The following SPAG16 variants were observed in gnomAD, a reference collection of about 807,000 sequenced individuals.
The protein encoded by SPAG16 is sperm-associated antigen 16 protein.
A neutral mutation model predicts 80.4 loss-of-function variants in SPAG16; 86 were observed. The observed-to-expected ratio is 1.07, with a 90% CI of 0.90 to 1.28. The LOEUF (loss-of-function observed/expected upper bound fraction) is 1.28. Ranked by LOEUF, SPAG16 falls within the 50% of genes most tolerant of loss-of-function variation. The pLI, the probability that SPAG16 is intolerant of heterozygous loss-of-function variation, is 0.00. For missense variants in SPAG16, 870 were observed against 765.3 expected, an observed-to-expected ratio of 1.14 and a Z score of -1.61; for synonymous variants, 294 against 265.9, an observed-to-expected ratio of 1.11 and a Z score of -1.03.
At position 214,014,076 on chromosome 2, in the gene SPAG16, C is replaced by G. The variant is rs1163887799; in HGVS notation, c.1526C>G (p.Thr509Arg). ...DKTLSIWDARTGICEQSLYGH... is the reference protein window; with the variant it reads ...DKTLSIWDARRGICEQSLYGH... ...ACCCTGTCTATATGGGATGCAAGAA[C>G]AGTAAGCAAATCATTCACTTTTTTT... The change falls in exon 13 of 16, where the codon ACA (threonine) becomes AGA (arginine). Residue 509 changes from threonine (T) to arginine (R), a missense_variant and splice_region_variant. Thr to Arg is a moderately conservative substitution (Grantham distance 71, BLOSUM62 -1). Transcript: ENST00000331683. The G allele has an allele frequency of 3.7e-6, 6 of 1,611,932 alleles. No homozygotes were observed. Among genetic ancestry groups the G allele is most frequent in the African/African-American group, 1.3e-5 (1 of 74,866 alleles).
At chr2:214,008,730 G>GAAAAAAAAAAA in intron 12 of SPAG16, among the ~76,000 whole-genome samples, 1 of 146,578 alleles carries the variant, frequency 6.8e-6, no homozygotes, top group Non-Finnish European at 1.5e-5. Flanking sequence ...GGGCAACAGA[G>GAAAAAAAAAAA]CAAGACTCCA....
intron 12 of SPAG16, among the ~76,000 whole-genome samples, chr2:213,975,061 A>C (rs2045295304): frequency 6.6e-6 from 1 of 151,390 alleles, no homozygotes; most frequent in Non-Finnish European, 1.5e-5. Context: ...TAGATAAAAT[A>C]AATAAAAATT....
At chr2:214,289,634 G>A (rs11890354) in intron 15 of SPAG16, among the ~76,000 whole-genome samples, 5,369 of 152,206 alleles carry the variant, frequency 0.035, 236 homozygotes, top group African/African-American at 0.1. Context: ...TATTATAGCC[G>A]TCTAACATAT....
intron 15 of SPAG16, among the ~76,000 whole-genome samples, chr2:214,324,867 TAAAC>T (rs965722306): frequency 6.6e-5 from 10 of 152,144 alleles, no homozygotes; most frequent in East Asian, 1.9e-4. Flanking sequence ...ATTTTGCAAA[TAAAC>T]AAACATACAC....
At position 213,360,754 on chromosome 2, in the gene SPAG16, ATATCT is replaced by A. The variant is rs2065935497; in HGVS notation, c.763-3319_763-3315del. Among the ~76,000 whole-genome samples the A allele has an allele frequency of 2.0e-5, 3 of 152,246 alleles. No individual in the cohort carries two copies. In the South Asian group the frequency reaches 6.2e-4, roughly 31 times the overall value. On this transcript the variant is annotated intron_variant, in intron 7 of 15. Transcript: ENST00000331683. ...TATTCAAAGTATGTGTACAGAGAAA[ATATCT>A]TAAAATATGTGAAATGTTTCTCTAT...
At chr2:213,573,189 A>G (rs965458565) in intron 10 of SPAG16, among the ~76,000 whole-genome samples, 1 of 151,818 alleles carries the variant, frequency 6.6e-6, no homozygotes, top group African/African-American at 2.4e-5. Flanking sequence ...TGCAGAAATC[A>G]CCGTCTTCTG....
chr2:213,578,450 T>G (rs1371288762), intron 10 of SPAG16, among the ~76,000 whole-genome samples: 1 of 152,176 alleles, frequency 6.6e-6, no homozygotes, highest in Non-Finnish European at 1.5e-5. Flanking sequence ...TTAAGGCTAT[T>G]TTAATATTTT....
At chr2:213,874,080 T>C (rs1484591929) in intron 11 of SPAG16, among the ~76,000 whole-genome samples, 2 of 151,988 alleles carry the variant, frequency 1.3e-5, no homozygotes, top group African/African-American at 4.8e-5. Context: ...TAAAAAGTGG[T>C]ATACTTGTTT....
intron 10 of SPAG16, among the ~76,000 whole-genome samples, chr2:213,706,380 G>A (rs1417975171): frequency 6.6e-6 from 1 of 152,152 alleles, no homozygotes; most frequent in Non-Finnish European, 1.5e-5. Context: ...TGAATTAAAC[G>A]AGAAGGCTAA....
rs115112887 is a variant in SPAG16 at position 213,992,203 on chromosome 2, A to G, written c.1401-21748A>G. 4.7e-3 allele frequency among the ~76,000 whole-genome samples: 722 copies of G among 152,278 alleles called. 7 individuals carry two copies. Among genetic ancestry groups the G allele is most frequent in the African/African-American group, 0.017 (697 of 41,566 alleles). On this transcript the variant is annotated intron_variant, in intron 12 of 15. Transcript: ENST00000331683. ...TTCCAGGAATGCAACTACTATTTGA[A>G]CCAAGGTGATATTTTACTGAATTTT...
intron 10 of SPAG16, among the ~76,000 whole-genome samples, chr2:213,527,542 G>C (rs2075930903): frequency 6.6e-6 from 1 of 151,818 alleles, no homozygotes; most frequent in Admixed American, 6.6e-5. Context: ...CTGCCTTTTT[G>C]CCTCTCCATT....
intron 15 of SPAG16, among the ~76,000 whole-genome samples, chr2:214,364,026 T>C (rs927769128): frequency 6.6e-6 from 1 of 152,078 alleles, no homozygotes; most frequent in Non-Finnish European, 1.5e-5. Context: ...CTTTCTTTAG[T>C]ATTCTCTAAT....
intron 9 of SPAG16, among the ~76,000 whole-genome samples, chr2:213,431,969 A>C (rs2070330892): frequency 6.6e-6 from 1 of 152,114 alleles, no homozygotes; most frequent in Non-Finnish European, 1.5e-5. Flanking sequence ...ATAGAAATAC[A>C]TAGCAATTTA....
intron 11 of SPAG16, among the ~76,000 whole-genome samples, chr2:213,923,273 G>A (rs1249356595): frequency 6.6e-6 from 1 of 152,206 alleles, no homozygotes; most frequent in Non-Finnish European, 1.5e-5. Flanking sequence ...TCCCACAGAA[G>A]TGGAACTGCT....
chr2:214,030,325 A>G (rs779379528), intron 13 of SPAG16, among the ~76,000 whole-genome samples: 1 of 152,036 alleles, frequency 6.6e-6, no homozygotes, highest in Non-Finnish European at 1.5e-5. Context: ...ATGGCTAAAA[A>G]CTGTTGCATT....
intron 15 of SPAG16, among the ~76,000 whole-genome samples, chr2:214,176,622 T>C (rs931301399): frequency 1.3e-5 from 2 of 151,392 alleles, no homozygotes; most frequent in Non-Finnish European, 3.0e-5. Context: ...TTCCAAAGAA[T>C]GTATAGTTGT....
chr2:214,264,916 A>G (rs559946759), intron 15 of SPAG16, among the ~76,000 whole-genome samples: 4 of 152,260 alleles, frequency 2.6e-5, no homozygotes, highest in African/African-American at 9.6e-5. Context: ...TCACTAAGCA[A>G]TATGGATTCA....
At chr2:213,327,042 T>C (rs1394272944) in intron 5 of SPAG16, among the ~76,000 whole-genome samples, 1 of 151,978 alleles carries the variant, frequency 6.6e-6, no homozygotes, top group Non-Finnish European at 1.5e-5. Flanking sequence ...ATAATCATTG[T>C]ACCATTTTAT....
intron 15 of SPAG16, among the ~76,000 whole-genome samples, chr2:214,378,220 G>A (rs10206126): frequency 0.76 from 116,232 of 152,190 alleles, 45,186 homozygotes; most frequent in African/African-American, 0.91. Flanking sequence ...TTAAGCTACT[G>A]AATTTGTAGC....
Sources: allele counts gnomAD v4.1 joint callset (sites outside exome capture counted in the v4.1 genomes callset), GRCh38; gene constraint gnomAD v4.1.1; transcripts MANE v1.5; gene names NCBI Gene and HGNC (gene_info 2026-07-23, HGNC 2026-07-21).